TXNL4A: variants seen among roughly 807,000 people sequenced by gnomAD.
TXNL4A encodes the protein thioredoxin like 4A.
In TXNL4A, 17 loss-of-function variants were observed where a neutral mutation model predicts 14.6. The observed-to-expected ratio is 1.16, with a 90% CI of 0.80 to 1.74. The LOEUF (loss-of-function observed/expected upper bound fraction) is 1.74. Among genes scored for constraint, TXNL4A ranks in the 40% most tolerant of loss-of-function variants. The pLI is 0.00. For missense variants in TXNL4A, 74 were observed against 195.2 expected (o/e 0.38, Z 3.70); for synonymous variants, 83 against 70.6 (o/e 1.18, Z -0.88).
chr18:80,012,290 T>G (rs2051775239), intron 1 of TXNL4A, among the ~76,000 whole-genome samples: 1 of 152,220 alleles, frequency 6.6e-6, no homozygotes, highest in Admixed American at 6.5e-5. Flanking sequence ...TTTTTTCTGT[T>G]AAATCTCCAT....
intron 2 of TXNL4A, among the ~76,000 whole-genome samples, chr18:79,975,024 C>T (rs745978753): frequency 3.3e-5 from 5 of 152,190 alleles, no homozygotes; most frequent in Non-Finnish European, 7.3e-5. Context: ...CACCTCTGGC[C>T]GCCCTCTCAT....
intron 1 of TXNL4A, among the ~76,000 whole-genome samples, chr18:79,983,019 T>C (rs1003692815): frequency 3.9e-5 from 6 of 152,096 alleles, no homozygotes; most frequent in Non-Finnish European, 8.8e-5. Context: ...TTTTCTTTTT[T>C]AGATGGGATC....
At chr18:79,991,503 G>A (rs1429985959), upstream of TXNL4A, among the ~76,000 whole-genome samples, 1 of 151,932 alleles carries the variant, frequency 6.6e-6, no homozygotes, top group Non-Finnish European at 1.5e-5. Context: ...CAAAAAATTA[G>A]AAACTATTCC....
chr18:79,976,578 C>CG (rs1198821897), intron 2 of TXNL4A: 33 of 291,976 alleles, frequency 1.1e-4, no homozygotes, highest in Admixed American at 5.3e-4. Context: ...AGGAATCCAG[C>CG]GGGCCCTGCC....
intron 1 of TXNL4A, among the ~76,000 whole-genome samples, chr18:80,022,055 C>A (rs1362866157): frequency 6.6e-6 from 1 of 151,274 alleles, no homozygotes; most frequent in South Asian, 2.1e-4. Context: ...TTAGATTAAA[C>A]ACTTGGATTA....
chr18:80,003,881 C>T (rs2051712611), intron 1 of TXNL4A, among the ~76,000 whole-genome samples: 1 of 152,154 alleles, frequency 6.6e-6, no homozygotes, highest in Non-Finnish European at 1.5e-5. Context: ...CTTAACAAAA[C>T]CATCAGATCC....
intron 1 of TXNL4A, among the ~76,000 whole-genome samples, chr18:79,981,781 G>A (rs546867066): frequency 5.1e-4 from 78 of 152,178 alleles, no homozygotes; most frequent in Non-Finnish European, 8.5e-4. Context: ...CATCTAACCC[G>A]GAGAATTCTA....
intron 2 of TXNL4A, among the ~76,000 whole-genome samples, chr18:79,976,371 A>G (rs539995062): frequency 5.3e-5 from 8 of 152,330 alleles, no homozygotes; most frequent in African/African-American, 1.9e-4. Context: ...AAAGTTCTCA[A>G]TGTGCCGGCA....
At chr18:80,019,091 A>G (rs545056253) in intron 1 of TXNL4A, among the ~76,000 whole-genome samples, 3 of 152,266 alleles carry the variant, frequency 2.0e-5, no homozygotes, top group African/African-American at 7.2e-5. Context: ...AAACTTTTCC[A>G]ATCTCTGCCT....
At chr18:80,032,204 C>T (rs770444163) in intron 1 of TXNL4A, among the ~76,000 whole-genome samples, 5 of 152,062 alleles carry the variant, frequency 3.3e-5, no homozygotes, top group African/African-American at 9.7e-5. Context: ...GAGCATTCCT[C>T]GTGACGGAGG....
intron 1 of TXNL4A, among the ~76,000 whole-genome samples, chr18:80,001,957 C>T (rs2051701047): frequency 6.6e-6 from 1 of 151,992 alleles, no homozygotes; most frequent in South Asian, 2.1e-4. Flanking sequence ...TTGGGAGGGG[C>T]CAGGGATGCA....
Position 79,971,067 on chromosome 18 carries a change from C to G in TXNL4A, c.*2618G>C, listed in dbSNP as rs1304550503. 6.5e-6 allele frequency: 1 copy of G among 153,534 alleles called. No individual in the cohort carries two copies. The highest frequency in any genetic ancestry group is 1.5e-5 in the Non-Finnish European group (1 of 68,900). 9.5% of individuals were successfully genotyped at this position (153,534 alleles called of 1,614,324 possible). A position where few individuals can be genotyped will look rare whatever the true frequency, so the allele number is the denominator to read the frequency against. On this transcript the variant is annotated 3_prime_UTR_variant, in exon 3 of 3. Coordinates refer to ENST00000269601, the MANE Select transcript of TXNL4A (RefSeq NM_006701.5). ...GTCTTAAGCAACCACTAATCCGTCT[C>G]TATGGATGTGCCTATTCTAGAAATT...
intron 1 of TXNL4A, among the ~76,000 whole-genome samples, chr18:80,017,031 A>G (rs1214272418): frequency 6.7e-6 from 1 of 150,296 alleles, no homozygotes; most frequent in Non-Finnish European, 1.5e-5. Flanking sequence ...ATCCTCTTTT[A>G]TTTCATTGAG....
intron 2 of TXNL4A, chr18:79,976,771 A>G (rs1477211959): frequency 4.4e-6 from 2 of 456,552 alleles, no homozygotes; most frequent in Admixed American, 4.7e-5. Context: ...TAGCTAATTC[A>G]CCAACCTCTA....
rs561882030 is a variant in TXNL4A, at chr18:80,014,818, C to T, written c.-61+19033G>A. 4.6e-5 allele frequency among the ~76,000 whole-genome samples: 7 copies of T among 152,350 alleles called. No individual in the cohort carries two copies. In the East Asian group the frequency reaches 5.8e-4, roughly 13 times the overall value. On this transcript the variant is annotated intron_variant, in intron 1 of 2. Coordinates refer to the TXNL4A transcript ENST00000585474. ...CACCCTAGCAGAGGTTCTCCATGAG[C>T]GCCCAGCCCCTGCAGCAAACTTTTG...
upstream of TXNL4A, among the ~76,000 whole-genome samples, chr18:79,992,872 T>G (rs2051636611): frequency 1.3e-5 from 1 of 74,214 alleles, no homozygotes; most frequent in Non-Finnish European, 3.0e-5. Context: ...TCTGTCATCT[T>G]ATGTAAAAAA....
upstream of TXNL4A, among the ~76,000 whole-genome samples, chr18:79,992,192 TCACAGC>T (rs970904443): frequency 6.6e-6 from 1 of 152,220 alleles, no homozygotes; most frequent in African/African-American, 2.4e-5. Flanking sequence ...TACTTTCCTT[TCACAGC>T]CTTGTATTAT....
At chr18:79,981,448 G>A (rs963275901) in intron 1 of TXNL4A, among the ~76,000 whole-genome samples, 1 of 152,070 alleles carries the variant, frequency 6.6e-6, no homozygotes, top group Admixed American at 6.5e-5. Flanking sequence ...GAGGCGGGCG[G>A]ATCACTTGAG....
chr18:79,974,069 C>G (rs941565678), intron 2 of TXNL4A, among the ~76,000 whole-genome samples: 7 of 152,086 alleles, frequency 4.6e-5, no homozygotes, highest in African/African-American at 1.7e-4. Flanking sequence ...CATGCTCTTT[C>G]CTGCATTTTT....
Sources: allele counts gnomAD v4.1 joint callset (sites outside exome capture counted in the v4.1 genomes callset), GRCh38; gene constraint gnomAD v4.1.1; transcripts MANE v1.5; gene names NCBI Gene and HGNC (gene_info 2026-07-23, HGNC 2026-07-21).